CTNND2: variants seen among roughly 807,000 people sequenced by gnomAD.
CTNND2 encodes catenin delta 2, also known as catenin delta-2.
Under a neutral mutation model 144.4 loss-of-function variants are expected in CTNND2, and 22 were observed. That is an observed-to-expected ratio of 0.15 (90% CI 0.11 to 0.22). The LOEUF (loss-of-function observed/expected upper bound fraction) is 0.22. Among genes scored for constraint, CTNND2 ranks in the 10% least tolerant of loss-of-function variants. CTNND2 has a pLI of 1.00. For missense variants in CTNND2, 1,353 were observed against 1,618.8 expected, an observed-to-expected ratio of 0.84 and a Z score of 2.82; for synonymous variants, 751 against 695.6, an observed-to-expected ratio of 1.08 and a Z score of -1.25.
chr5:11,441,248 T>C (rs1764232844), intron 3 of CTNND2, among the ~76,000 whole-genome samples: 2 of 152,172 alleles, frequency 1.3e-5, no homozygotes, highest in South Asian at 4.1e-4. Flanking sequence ...AATTTTGCAA[T>C]GTATAATTTC....
intron 1 of CTNND2, among the ~76,000 whole-genome samples, chr5:11,738,487 T>C (rs948390538): frequency 7.2e-5 from 11 of 152,206 alleles, no homozygotes; most frequent in Admixed American, 7.2e-4. Context: ...CTTGGCAACA[T>C]GCTAGAATCT....
At chr5:10,991,375 G>T (rs1561133529) in intron 19 of CTNND2, among the ~76,000 whole-genome samples, 1 of 152,190 alleles carries the variant, frequency 6.6e-6, no homozygotes, top group Non-Finnish European at 1.5e-5. Flanking sequence ...AGAAGAGTAG[G>T]AAGAAAGCTT....
intron 3 of CTNND2, among the ~76,000 whole-genome samples, chr5:11,505,140 A>G (rs150151573): frequency 0.012 from 1,773 of 152,180 alleles, 20 homozygotes; most frequent in Non-Finnish European, 0.019. Flanking sequence ...TTGGAAAGGC[A>G]CTATCAAAAA....
chr5:11,194,332 C>T (rs1399570548), intron 11 of CTNND2, among the ~76,000 whole-genome samples: 1 of 152,170 alleles, frequency 6.6e-6, no homozygotes, highest in Non-Finnish European at 1.5e-5. Flanking sequence ...TCTCCACTTT[C>T]ACCTAGGTTG....
At chr5:11,333,432 T>C (rs1290091981) in intron 9 of CTNND2, among the ~76,000 whole-genome samples, 1 of 152,058 alleles carries the variant, frequency 6.6e-6, no homozygotes, top group Non-Finnish European at 1.5e-5. Context: ...CCCAGCTAAT[T>C]TTTGTATTAT....
At chr5:11,151,964 G>A (rs544321968) in intron 12 of CTNND2, among the ~76,000 whole-genome samples, 17 of 152,108 alleles carry the variant, frequency 1.1e-4, no homozygotes, top group South Asian at 1.0e-3. Flanking sequence ...AAGCTTTTTC[G>A]AACTTTTCCT....
At chr5:11,056,799 C>G (rs1047945245) in intron 16 of CTNND2, among the ~76,000 whole-genome samples, 10 of 152,202 alleles carry the variant, frequency 6.6e-5, no homozygotes, top group Admixed American at 2.0e-4. Flanking sequence ...AGGGCTAACA[C>G]TGCAATGCAG....
chr5:11,099,209 T>C (rs1330896656), intron 14 of CTNND2, among the ~76,000 whole-genome samples: 1 of 152,246 alleles, frequency 6.6e-6, no homozygotes, highest in Non-Finnish European at 1.5e-5. Context: ...GATAAACTCC[T>C]ATATAATTTG....
At chr5:11,786,107 G>A (rs572081878) in intron 1 of CTNND2, among the ~76,000 whole-genome samples, 87 of 152,296 alleles carry the variant, frequency 5.7e-4, no homozygotes, top group Admixed American at 1.4e-3. Context: ...ATGTAACAGC[G>A]CGGCAGCAGG....
chr5:11,137,473 A>G (rs1245456025), intron 12 of CTNND2, among the ~76,000 whole-genome samples: 1 of 152,210 alleles, frequency 6.6e-6, no homozygotes, highest in Non-Finnish European at 1.5e-5. Flanking sequence ...GTTATATTCA[A>G]GAACAAGGTT....
intron 2 of CTNND2, among the ~76,000 whole-genome samples, chr5:11,706,087 C>T (rs1378438352): frequency 1.3e-5 from 2 of 152,122 alleles, no homozygotes; most frequent in African/African-American, 4.8e-5. Flanking sequence ...GGCCCTCAGA[C>T]CTGGAGGTCT....
At chr5:11,075,100 G>A (rs887716430) in intron 16 of CTNND2, among the ~76,000 whole-genome samples, 14 of 152,180 alleles carry the variant, frequency 9.2e-5, no homozygotes, top group Admixed American at 6.5e-5. Context: ...TTTTGTTCAC[G>A]TGGGAAAACA....
intron 10 of CTNND2, among the ~76,000 whole-genome samples, chr5:11,219,714 A>C (rs1399819332): frequency 6.6e-6 from 1 of 152,234 alleles, no homozygotes; most frequent in Admixed American, 6.5e-5. Flanking sequence ...ACGAAGGAAG[A>C]GACCACAAGC....
chr5:11,679,129 T>C (rs1176036504), intron 2 of CTNND2, among the ~76,000 whole-genome samples: 1 of 151,878 alleles, frequency 6.6e-6, no homozygotes, highest in Non-Finnish European at 1.5e-5. Context: ...CCAATCAGTG[T>C]GATCAGGGAG....
chr5:10,988,349 T>A lies in CTNND2; in HGVS notation c.3212-107A>T. On this transcript the variant is annotated intron_variant, in intron 19 of 21. Coordinates refer to ENST00000304623, the MANE Select transcript of CTNND2 (RefSeq NM_001332.4). This position sits in a 1 kb window ranked among gnomAD's most constrained non-coding sequence, Gnocchi z 5.9. ...ATGCATGGTCCCGCATCTCAATGCC[T>A]ACGTGAGGACCTGATGGGTTTTCTT... 1 of 1,361,524 alleles carries A rather than the reference T, an allele frequency of 7.3e-7. No individual in the cohort carries two copies. Among genetic ancestry groups the A allele is most frequent in the Non-Finnish European group, 1.0e-6 (1 of 980,738 alleles). The allele number at this position is 1,361,524 out of a possible 1,614,324, so 84.3% of individuals were successfully genotyped here.
intron 2 of CTNND2, among the ~76,000 whole-genome samples, chr5:11,681,471 A>T (rs1030539094): frequency 1.3e-5 from 2 of 152,206 alleles, no homozygotes; most frequent in Non-Finnish European, 2.9e-5. Context: ...CTTCTTCAGC[A>T]GCCCTGATCT....
At chr5:11,751,656 C>T (rs929682099) in intron 1 of CTNND2, among the ~76,000 whole-genome samples, 5 of 151,792 alleles carry the variant, frequency 3.3e-5, no homozygotes, top group African/African-American at 1.2e-4. Flanking sequence ...TAGGTTGATT[C>T]CACGTTTTTG....
intron 2 of CTNND2, among the ~76,000 whole-genome samples, chr5:11,633,284 A>C (rs1781504209): frequency 6.6e-6 from 1 of 152,196 alleles, no homozygotes; most frequent in South Asian, 2.1e-4. Context: ...AATGCCAACA[A>C]AATTAACAAT....
At chr5:11,828,864 C>G (rs1378940774) in intron 1 of CTNND2, among the ~76,000 whole-genome samples, 2 of 152,116 alleles carry the variant, frequency 1.3e-5, no homozygotes, top group African/African-American at 4.8e-5. Context: ...TTGGGAAAGA[C>G]TGGAACTTCC....
Sources: gnomAD v4.1 joint callset for allele counts (sites outside exome capture counted in the v4.1 genomes callset) on GRCh38, gnomAD v4.1.1 for gene constraint, Gnocchi (gnomAD v3.1) non-coding constraint, MANE v1.5 for transcripts, NCBI Gene and HGNC (gene_info 2026-07-23, HGNC 2026-07-21) for gene names.